Variants in EPB41L1 observed in about 807,000 individuals in gnomAD.
EPB41L1 encodes erythrocyte membrane protein band 4.1 like 1, also known as band 4.1-like protein 1.
In EPB41L1, 29 loss-of-function variants were observed where a neutral mutation model predicts 97.8. The observed-to-expected ratio is 0.30, with a 90% CI of 0.22 to 0.40. The LOEUF (loss-of-function observed/expected upper bound fraction) is 0.40, where lower values mean the gene tolerates loss of function less well. Among genes scored for constraint, EPB41L1 ranks in the 10% least tolerant of loss-of-function variants. The pLI is 1.00. For synonymous variants in EPB41L1, 383 were observed against 459.2 expected (o/e 0.83, Z 2.12); for missense variants, 812 against 1,162.3 (o/e 0.70, Z 4.38).
chr20:36,098,187 G>A (rs1312144410), intron 1 of EPB41L1, among the ~76,000 whole-genome samples: 1 of 152,212 alleles, frequency 6.6e-6, no homozygotes, highest in Non-Finnish European at 1.5e-5. Context: ...AGGTGCAGGA[G>A]AGGTGAGAGT....
intron 14 of EPB41L1, among the ~76,000 whole-genome samples, chr20:36,203,602 A>C (rs2146658716): frequency 6.6e-6 from 1 of 152,336 alleles, no homozygotes; most frequent in African/African-American, 2.4e-5. Flanking sequence ...GCTGGAATGG[A>C]GGCAGCTGAA....
intron 2 of EPB41L1, among the ~76,000 whole-genome samples, chr20:36,133,876 A>G (rs1454038619): frequency 6.6e-6 from 1 of 151,618 alleles, no homozygotes; most frequent in Non-Finnish European, 1.5e-5. Context: ...AAAAAAAAGT[A>G]ACAATAATAT....
Position 36,209,554 on chromosome 20 carries a change from G to A in EPB41L1, c.1735G>A (p.Asp579Asn). ...ACCACGTCCCCGGGCCCCAGAGAGT[G>A]ACACAGGCGATGAGGACCAGGACCA... is the stretch of plus-strand genomic sequence containing the variant. ...KPPRPRAPES[D>N]TGDEDQDQER... is the part of the protein sequence containing the mutation. The change falls in exon 15 of 22, where the codon GAC becomes AAC. Residue 579 changes from aspartate to asparagine, a missense_variant. By Grantham distance (23) the Asp-to-Asn change is conservative. Coordinates refer to ENST00000338074, the MANE Select transcript of EPB41L1 (RefSeq NM_012156.2). This position sits in a 1 kb window ranked among gnomAD's most constrained non-coding sequence, Gnocchi z 4.2. The A allele has an allele frequency of 6.2e-7, 1 of 1,614,058 alleles. No homozygotes were observed. Among genetic ancestry groups the A allele is most frequent in the South Asian group, 1.1e-5 (1 of 91,084 alleles).
chr20:36,214,703 CAG>C (rs141842270), intron 17 of EPB41L1, among the ~76,000 whole-genome samples: 6 of 150,480 alleles, frequency 4.0e-5, no homozygotes, highest in Non-Finnish European at 4.5e-5. Flanking sequence ...TCAGCCACAG[CAG>C]AGAGAGAGAG....
At chr20:36,102,110 C>A (rs1426510200) in intron 1 of EPB41L1, among the ~76,000 whole-genome samples, 2 of 145,524 alleles carry the variant, frequency 1.4e-5, no homozygotes, top group Non-Finnish European at 3.0e-5. Flanking sequence ...GCTCCATGGG[C>A]GGGGTGGGGG....
At chr20:36,202,822 A>AG (rs987656685) in intron 14 of EPB41L1, among the ~76,000 whole-genome samples, 1 of 151,072 alleles carries the variant, frequency 6.6e-6, no homozygotes, top group African/African-American at 2.4e-5. Flanking sequence ...AAAAAAAAAA[A>AG]AAAAAAAAGG....
intron 2 of EPB41L1, among the ~76,000 whole-genome samples, chr20:36,135,434 G>A (rs1448170275): frequency 2.6e-5 from 4 of 152,180 alleles, no homozygotes; most frequent in African/African-American, 9.7e-5. Flanking sequence ...AGGAGTCAGC[G>A]GGTTTGGAAT....
upstream of EPB41L1, chr20:36,151,650 A>G (rs1425252143): frequency 6.6e-6 from 1 of 152,270 alleles, no homozygotes; most frequent in Non-Finnish European, 1.5e-5. Context: ...TATGGGGGCC[A>G]TACATTCTTA....
chr20:36,206,777 C>T lies in EPB41L1; in HGVS notation c.1669-2711C>T. ...CAGTGGGGAGTGGAAGGAGAGTTTC[C>T]CCACCTGACAGCCAGCGCAGCCCGA... On this transcript the variant is annotated intron_variant, in intron 14 of 21. Coordinates refer to ENST00000338074, the MANE Select transcript of EPB41L1 (RefSeq NM_012156.2). This position sits in a 1 kb window ranked among gnomAD's most constrained non-coding sequence, Gnocchi z 5.5. 1 of 1,289,814 alleles carries T rather than the reference C, an allele frequency of 7.8e-7. No homozygotes were observed. The highest frequency in any genetic ancestry group is 1.0e-6 in the Non-Finnish European group (1 of 988,886). The allele number at this position is 1,289,814 out of a possible 1,614,324, so 79.9% of individuals were successfully genotyped here. A position where few individuals can be genotyped will look rare whatever the true frequency, so the allele number is the denominator to read the frequency against.
At chr20:36,104,846 G>A (rs2058138073) in intron 1 of EPB41L1, among the ~76,000 whole-genome samples, 1 of 152,206 alleles carries the variant, frequency 6.6e-6, no homozygotes, top group African/African-American at 2.4e-5. Flanking sequence ...AACACCGAGT[G>A]AACTGGCCTC....
chr20:36,214,915 C>T (rs1221034599), intron 17 of EPB41L1, among the ~76,000 whole-genome samples: 3 of 151,790 alleles, frequency 2.0e-5, no homozygotes, highest in Non-Finnish European at 4.4e-5. Context: ...TTTTTGGGAC[C>T]TCCCTATTGA....
chr20:36,179,108 GCATTCAGATC>G (rs1423612654), intron 5 of EPB41L1, among the ~76,000 whole-genome samples: 3 of 151,654 alleles, frequency 2.0e-5, no homozygotes, highest in African/African-American at 7.3e-5. Flanking sequence ...GAAAGAAAAT[GCATTCAGATC>G]CATGAGTCCG....
chr20:36,205,247 G>T (rs929654133), intron 14 of EPB41L1, among the ~76,000 whole-genome samples: 1 of 152,146 alleles, frequency 6.6e-6, no homozygotes, highest in Admixed American at 6.5e-5. Context: ...TTGCCATTAG[G>T]TCACAGTTGG....
At chr20:36,135,716 C>G (rs1357741124) in intron 2 of EPB41L1, among the ~76,000 whole-genome samples, 1 of 152,236 alleles carries the variant, frequency 6.6e-6, no homozygotes, top group Non-Finnish European at 1.5e-5. Flanking sequence ...ACAAGCTGCT[C>G]TTCTGCCTGA....
At chr20:36,223,208 A>G (rs2063897137) in intron 21 of EPB41L1, among the ~76,000 whole-genome samples, 1 of 151,688 alleles carries the variant, frequency 6.6e-6, no homozygotes. Context: ...TAATTTTTAT[A>G]TTTTCAGTAG....
chr20:36,190,198 A>G lies in EPB41L1; in HGVS notation c.1027-79A>G. The G allele has an allele frequency of 2.5e-6, 3 of 1,198,474 alleles. No homozygotes were observed. Among genetic ancestry groups the G allele is most frequent in the Non-Finnish European group, 3.7e-6 (3 of 818,092 alleles). The allele number at this position is 1,198,474 out of a possible 1,614,324, so 74.2% of individuals were successfully genotyped here. A position where few individuals can be genotyped will look rare whatever the true frequency, so the allele number is the denominator to read the frequency against. ...GTCTCAAAAAAACATTAAACAAATA[A>G]AATAAAAAACACAAAGAATGGGCTA... On this transcript the variant is annotated intron_variant, in intron 9 of 21. Transcript: ENST00000338074. The surrounding 1 kb of genome is among the most constrained non-coding windows in gnomAD (Gnocchi z 5.8).
At chr20:36,146,275 T>C (rs2059827250) in intron 2 of EPB41L1, among the ~76,000 whole-genome samples, 1 of 152,172 alleles carries the variant, frequency 6.6e-6, no homozygotes, top group South Asian at 2.1e-4. Context: ...GTTCGACAAA[T>C]CCCACAAACC....
At chr20:36,122,101 G>A (rs940043463) in intron 2 of EPB41L1, among the ~76,000 whole-genome samples, 3 of 152,192 alleles carry the variant, frequency 2.0e-5, no homozygotes, top group African/African-American at 4.8e-5. Context: ...AGGATAGAGC[G>A]TGTGTGCACC....
chr20:36,119,394 G>A (rs1375174358), intron 2 of EPB41L1, among the ~76,000 whole-genome samples: 2 of 152,208 alleles, frequency 1.3e-5, no homozygotes, highest in Admixed American at 1.3e-4. Flanking sequence ...CTGGAGGTCA[G>A]TAGTTTGAGA....
Sources: allele counts gnomAD v4.1 joint callset (sites outside exome capture counted in the v4.1 genomes callset), GRCh38; gene constraint gnomAD v4.1.1; non-coding constraint Gnocchi (gnomAD v3.1); transcripts MANE v1.5; gene names NCBI Gene and HGNC (gene_info 2026-07-23, HGNC 2026-07-21).